Variants in ARHGEF38 observed in about 807,000 individuals in gnomAD.
The protein encoded by ARHGEF38 is Rho guanine nucleotide exchange factor 38.
Under a neutral mutation model 79.9 loss-of-function variants are expected in ARHGEF38, and 79 were observed. The observed-to-expected ratio is 0.99, with a 90% CI of 0.82 to 1.19. The LOEUF (loss-of-function observed/expected upper bound fraction) is 1.19, where lower values mean the gene tolerates loss of function less well. Ranked by LOEUF, ARHGEF38 falls within the 50% of genes most tolerant of loss-of-function variation. The probability of loss-of-function intolerance (pLI) is 0.00; values close to 1 mark genes in which losing one functional copy is unlikely to be tolerated. For synonymous variants in ARHGEF38, 366 were observed against 328.3 expected, an observed-to-expected ratio of 1.11 and a Z score of -1.24; for missense variants, 962 against 907.2, an observed-to-expected ratio of 1.06 and a Z score of -0.78.
At chr4:105,588,181 C>G (rs1727149450) in intron 1 of ARHGEF38, among the ~76,000 whole-genome samples, 1 of 152,190 alleles carries the variant, frequency 6.6e-6, no homozygotes, top group African/African-American at 2.4e-5. Flanking sequence ...TACATTGTGA[C>G]CTGTACATTT....
chr4:105,570,015 A>G (rs1251829430), intron 1 of ARHGEF38: 3 of 152,198 alleles, frequency 2.0e-5, no homozygotes, highest in African/African-American at 4.8e-5. Context: ...ACTACATAGA[A>G]CATGATGTAC....
intron 1 of ARHGEF38, chr4:105,561,499 A>AGAATAGAATAGAATGGAATG (rs1560684788): frequency 3.2e-5 from 3 of 94,038 alleles, no homozygotes; most frequent in African/African-American, 7.2e-5. Context: ...AGAATAGAAT[A>AGAATAGAATAGAATGGAATG]GAATAGAATA....
intron 7 of ARHGEF38, among the ~76,000 whole-genome samples, chr4:105,652,734 C>T (rs1030311462): frequency 2.0e-5 from 3 of 151,920 alleles, no homozygotes; most frequent in Admixed American, 2.0e-4. Flanking sequence ...AAAAAAAAAT[C>T]TGCCCCAGCA....
chr4:105,602,396 A>G (rs1198681274), intron 2 of ARHGEF38, among the ~76,000 whole-genome samples: 1 of 152,192 alleles, frequency 6.6e-6, no homozygotes, highest in Non-Finnish European at 1.5e-5. Flanking sequence ...TTTTAAACCC[A>G]ATTAAACACG....
intron 2 of ARHGEF38, among the ~76,000 whole-genome samples, chr4:105,601,692 A>T (rs1235613195): frequency 1.3e-5 from 2 of 152,162 alleles, no homozygotes; most frequent in East Asian, 3.9e-4. Context: ...GCCTGTGTGT[A>T]GGCAGAGCAG....
intron 3 of ARHGEF38, among the ~76,000 whole-genome samples, chr4:105,620,807 C>T (rs1231206208): frequency 6.8e-6 from 1 of 146,642 alleles, no homozygotes; most frequent in Non-Finnish European, 1.5e-5. Context: ...ACCATGCCTC[C>T]TAGTTCACAT....
At chr4:105,638,536 T>A (rs1392437768) in intron 5 of ARHGEF38, among the ~76,000 whole-genome samples, 2 of 152,108 alleles carry the variant, frequency 1.3e-5, no homozygotes, top group African/African-American at 4.8e-5. Context: ...TTTCTTTGTA[T>A]TTTAAAAATT....
chr4:105,670,493 T>C (rs1313556075), intron 13 of ARHGEF38, among the ~76,000 whole-genome samples: 2 of 152,194 alleles, frequency 1.3e-5, no homozygotes, highest in Non-Finnish European at 2.9e-5. Flanking sequence ...GTCATTTTCC[T>C]TCTTATTTTC....
rs188543218 is a variant in ARHGEF38, at chr4:105,620,495, A to G, written c.508+6988A>G. Among the ~76,000 whole-genome samples the G allele has an allele frequency of 6.7e-3, 1,013 of 152,298 alleles. 13 individuals carry two copies. The highest frequency in any genetic ancestry group is 0.015 in the African/African-American group (625 of 41,562). On this transcript the variant is annotated intron_variant, in intron 3 of 13. Transcript: ENST00000420470. ...CCAATAGATGATGTTATAAATTATT[A>G]TCCCAAGAATATTAGATTTACTCAT...
chr4:105,565,819 A>G (rs1398341162), intron 1 of ARHGEF38, among the ~76,000 whole-genome samples: 1 of 152,148 alleles, frequency 6.6e-6, no homozygotes, highest in Non-Finnish European at 1.5e-5. Flanking sequence ...CCCAGTTAAC[A>G]AGTCAGAAAT....
intron 2 of ARHGEF38, among the ~76,000 whole-genome samples, chr4:105,611,904 G>T (rs140382554): frequency 5.3e-4 from 80 of 152,142 alleles, no homozygotes; most frequent in African/African-American, 1.8e-3. Flanking sequence ...TACAAATGAG[G>T]CTGTGGGTTA....
chr4:105,666,795 T>A (rs558726640), intron 11 of ARHGEF38, among the ~76,000 whole-genome samples: 30 of 152,326 alleles, frequency 2.0e-4, no homozygotes, highest in African/African-American at 6.0e-4. Context: ...TTTACTTAGC[T>A]GAATACTTAA....
intron 3 of ARHGEF38, among the ~76,000 whole-genome samples, chr4:105,624,049 T>G (rs996996532): frequency 2.6e-5 from 4 of 152,148 alleles, no homozygotes; most frequent in Admixed American, 6.6e-5. Context: ...CTCTTTTCCT[T>G]TCTCTGTTTC....
At chr4:105,627,752 A>G (rs1013523060) in intron 3 of ARHGEF38, among the ~76,000 whole-genome samples, 1 of 152,164 alleles carries the variant, frequency 6.6e-6, no homozygotes, top group African/African-American at 2.4e-5. Flanking sequence ...ACCCACATAC[A>G]TTAGACAGAG....
rs1731173670 is a variant in ARHGEF38 at position 105,677,783 on chromosome 4, G to A, written c.2180G>A (p.Arg727Gln). ...IFYAVHAFQA[R>Q]SDHELSLQEY... ...TATGCAGTTCATGCTTTTCAAGCAC[G>A]GAGTGACCATGAACTCAGCCTTCAG... Residue 727 changes from arginine (R) to glutamine (Q), a missense_variant, in exon 14 of 14, where the codon CGG becomes CAG. Physicochemically the swap from Arg to Gln is conservative, Grantham distance 43. Coordinates refer to ENST00000420470, the MANE Select transcript of ARHGEF38 (RefSeq NM_001242729.2). 1.3e-6 allele frequency: 2 copies of A among 1,518,748 alleles called. No homozygotes were observed. The highest frequency in any genetic ancestry group is 1.8e-6 in the Non-Finnish European group (2 of 1,135,478). The allele number at this position is 1,518,748 out of a possible 1,614,324, so 94.1% of individuals were successfully genotyped here.
At chr4:105,665,213 G>A (rs1379742093) in intron 10 of ARHGEF38, among the ~76,000 whole-genome samples, 1 of 151,934 alleles carries the variant, frequency 6.6e-6, no homozygotes, top group Non-Finnish European at 1.5e-5. Flanking sequence ...TTTAGTAGCA[G>A]GCCAGGTGCG....
intron 3 of ARHGEF38, among the ~76,000 whole-genome samples, chr4:105,615,634 AATT>A (rs1010990984): frequency 6.6e-6 from 1 of 152,238 alleles, no homozygotes; most frequent in South Asian, 2.1e-4. Flanking sequence ...CCTTTTTAAA[AATT>A]ATTATTATTA....
intron 2 of ARHGEF38, among the ~76,000 whole-genome samples, chr4:105,599,530 A>G (rs1171446081): frequency 6.6e-6 from 1 of 152,180 alleles, no homozygotes; most frequent in African/African-American, 2.4e-5. Context: ...TGCATAAACC[A>G]CAATTTTAAT....
At chr4:105,581,429 C>T (rs1307110187) in intron 1 of ARHGEF38, among the ~76,000 whole-genome samples, 7 of 152,112 alleles carry the variant, frequency 4.6e-5, no homozygotes, top group African/African-American at 1.7e-4. Context: ...ATTAGTTGAA[C>T]CTTCTTATTC....
Sources: allele counts gnomAD v4.1 joint callset (sites outside exome capture counted in the v4.1 genomes callset), GRCh38; gene constraint gnomAD v4.1.1; transcripts MANE v1.5; gene names NCBI Gene and HGNC (gene_info 2026-07-23, HGNC 2026-07-21).